The following MCUB variants were observed in gnomAD, a reference collection of about 807,000 sequenced individuals.
The protein encoded by MCUB is mitochondrial calcium uniporter dominant negative subunit beta.
Under a neutral mutation model 41.4 loss-of-function variants are expected in MCUB, and 46 were observed. That is an observed-to-expected ratio of 1.11 (90% CI 0.88 to 1.42). The LOEUF (loss-of-function observed/expected upper bound fraction) is 1.42, where lower values mean the gene tolerates loss of function less well. MCUB is among the 40% of genes most tolerant of loss of function. The probability of loss-of-function intolerance (pLI) is 0.00; values close to 1 mark genes in which losing one functional copy is unlikely to be tolerated. For missense variants in MCUB, 403 were observed against 404.9 expected (o/e 1.00, Z 0.04); for synonymous variants, 148 against 148.2 (o/e 1.00, Z 0.01).
intron 4 of MCUB, among the ~76,000 whole-genome samples, chr4:109,667,061 G>T (rs1729360921): frequency 6.6e-6 from 1 of 152,076 alleles, no homozygotes; most frequent in Admixed American, 6.6e-5. Context: ...TTCTTACAGT[G>T]TTTTTGTCTG....
At chr4:109,579,556 T>C (rs964442425) in intron 1 of MCUB, among the ~76,000 whole-genome samples, 12 of 152,182 alleles carry the variant, frequency 7.9e-5, no homozygotes, top group Non-Finnish European at 1.3e-4. Context: ...CACATAGCAT[T>C]AGGCAGGTTT....
chr4:109,586,811 T>C (rs1727317168), intron 1 of MCUB, among the ~76,000 whole-genome samples: 1 of 152,192 alleles, frequency 6.6e-6, no homozygotes. Context: ...TATTGCTGCC[T>C]GATCCTTCCT....
At chr4:109,648,439 G>C in intron 1 of MCUB, 1 of 308,474 alleles carries the variant, frequency 3.2e-6, no homozygotes, top group East Asian at 8.9e-5. Context: ...TTTCTGTACT[G>C]TATTAGCCAA....
At chr4:109,647,237 T>G (rs1016948312) in intron 1 of MCUB, among the ~76,000 whole-genome samples, 4 of 152,200 alleles carry the variant, frequency 2.6e-5, no homozygotes, top group Non-Finnish European at 5.9e-5. Flanking sequence ...ACTCTTGGTG[T>G]TGTATATTCT....
intron 1 of MCUB, among the ~76,000 whole-genome samples, chr4:109,575,996 A>G (rs1466055388): frequency 6.6e-6 from 1 of 152,170 alleles, no homozygotes; most frequent in Non-Finnish European, 1.5e-5. Flanking sequence ...ATTTAGAACT[A>G]AGTCTAGGAT....
chr4:109,621,205 T>G (rs1381061319), intron 1 of MCUB, among the ~76,000 whole-genome samples: 1 of 152,136 alleles, frequency 6.6e-6, no homozygotes. Flanking sequence ...AGCCCCCTCA[T>G]TCTTCTAACT....
intron 1 of MCUB, among the ~76,000 whole-genome samples, chr4:109,585,933 T>C (rs1727295982): frequency 1.3e-5 from 2 of 152,198 alleles, no homozygotes; most frequent in South Asian, 4.1e-4. Context: ...TTGGGGTTGC[T>C]CTTCTTGAGG....
At position 109,570,312 on chromosome 4, in the gene MCUB, G is replaced by T. The variant is rs77011753; in HGVS notation, c.99+9876G>T. On this transcript the variant is annotated intron_variant, in intron 1 of 7. Transcript: ENST00000394650. ...AGGTGCTGTATCTTTTATATCTTTG[G>T]GAATGTATATCTTTGTATTTCTTAT... Among the ~76,000 whole-genome samples, 150 of 152,128 alleles carry T rather than the reference G, an allele frequency of 9.9e-4. No homozygotes were observed. The East Asian group carries it at 0.025, about 26-fold the overall frequency.
intron 3 of MCUB, among the ~76,000 whole-genome samples, chr4:109,663,140 A>G (rs1019367324): frequency 6.6e-6 from 1 of 152,210 alleles, no homozygotes; most frequent in African/African-American, 2.4e-5. Flanking sequence ...TATAGCTAAA[A>G]TAGCTCGGGT....
chr4:109,671,528 A>G (rs1353087439), intron 4 of MCUB, among the ~76,000 whole-genome samples: 1 of 152,114 alleles, frequency 6.6e-6, no homozygotes, highest in East Asian at 1.9e-4. Context: ...CATCAAAGGC[A>G]TTCTTCATTT....
At chr4:109,582,020 C>T (rs2126126825) in intron 1 of MCUB, among the ~76,000 whole-genome samples, 1 of 152,236 alleles carries the variant, frequency 6.6e-6, no homozygotes, top group East Asian at 1.9e-4. Context: ...CCAGCCATCC[C>T]ATTGCTGGGT....
At position 109,678,261 on chromosome 4, in the gene MCUB, C is replaced by T. The variant is rs573130339; in HGVS notation, c.452-4321C>T. ...CAATCTGATCTCTCTTTCTTTTCCC[C>T]ACATTTCCCCCTTTTCTATTCGACA... On this transcript the variant is annotated intron_variant, in intron 4 of 7. Coordinates refer to ENST00000394650, the MANE Select transcript of MCUB (RefSeq NM_017918.5). Among the ~76,000 whole-genome samples, 773 of 152,126 alleles carry T rather than the reference C, an allele frequency of 5.1e-3. 3 individuals are homozygous for T. The highest frequency in any genetic ancestry group is 0.018 in the African/African-American group (733 of 41,476).
At chr4:109,684,995 T>C in intron 6 of MCUB, 1 of 395,766 alleles carries the variant, frequency 2.5e-6, no homozygotes, top group Non-Finnish European at 4.5e-6. Context: ...ATCTCCCTTT[T>C]CTTATTTCTT....
rs1415854057 is a variant in MCUB, at chr4:109,687,515, G to T, written c.934G>T (p.Ala312Ser). 1.6e-5 allele frequency: 25 copies of T among 1,607,952 alleles called. No homozygotes were observed. The highest frequency in any genetic ancestry group is 2.0e-5 in the Non-Finnish European group (23 of 1,175,458). The change falls in exon 8 of 8, where the codon GCT becomes TCT. Residue 312 changes from alanine to serine, a missense_variant and splice_region_variant. By Grantham distance (99) the Ala-to-Ser change is moderately conservative. Coordinates refer to ENST00000394650, the MANE Select transcript of MCUB (RefSeq NM_017918.5). ...YNKLKEDLAK[A>S]KESLKQARHS... ...ATGCTTTTTCTTTTTCCCATGACAG[G>T]CTAAAGAATCCCTGAAACAGGCGCG... is the stretch of plus-strand genomic sequence containing the variant.
chr4:109,682,517 A>G, intron 4 of MCUB, 65 bp from the exon 5 acceptor site: 1 of 1,369,700 alleles, frequency 7.3e-7, no homozygotes, highest in Non-Finnish European at 1.0e-6. Context: ...TTGGGGACCG[A>G]AAGATTTACA....
At chr4:109,656,638 T>C (rs980668021) in intron 1 of MCUB, among the ~76,000 whole-genome samples, 2 of 152,136 alleles carry the variant, frequency 1.3e-5, no homozygotes, top group African/African-American at 2.4e-5. Context: ...CCCAAAGTGC[T>C]GGGATTATAG....
intron 1 of MCUB, among the ~76,000 whole-genome samples, chr4:109,588,411 G>C (rs987655686): frequency 1.3e-5 from 2 of 152,090 alleles, no homozygotes; most frequent in African/African-American, 4.8e-5. Context: ...AATGAGCTCG[G>C]TATTTGAGTC....
At position 109,579,311 on chromosome 4, in the gene MCUB, G is replaced by C. The variant is rs557146871; in HGVS notation, c.99+18875G>C. 3.0e-3 allele frequency among the ~76,000 whole-genome samples: 461 copies of C among 151,678 alleles called. 1 individual carries two copies. The highest frequency in any genetic ancestry group is 5.3e-3 in the Non-Finnish European group (360 of 67,950). ...TGTCACCAGGCTGGAGTGCAGTGGC[G>C]TGATCTCAGTTCACTGCAACCTCCT... On this transcript the variant is annotated intron_variant, in intron 1 of 7. Transcript: ENST00000394650.
intron 1 of MCUB, among the ~76,000 whole-genome samples, chr4:109,579,494 C>T (rs539321940): frequency 2.6e-4 from 39 of 152,136 alleles, no homozygotes; most frequent in African/African-American, 6.0e-4. Flanking sequence ...GTGATCCACG[C>T]GCCTCGGCCT....
Sources: allele counts gnomAD v4.1 joint callset (sites outside exome capture counted in the v4.1 genomes callset), GRCh38; gene constraint gnomAD v4.1.1; transcripts MANE v1.5; gene names NCBI Gene and HGNC (gene_info 2026-07-23, HGNC 2026-07-21).